Variants in GALNTL6 observed in about 807,000 individuals in gnomAD.
GALNTL6 encodes the protein polypeptide N-acetylgalactosaminyltransferase like 6.
A neutral mutation model predicts 73.7 loss-of-function variants in GALNTL6; 46 were observed. The observed-to-expected ratio is 0.62, with a 90% CI of 0.49 to 0.80. The LOEUF is 0.80. Among genes scored for constraint, GALNTL6 ranks in the 30% least tolerant of loss-of-function variants. GALNTL6 has a pLI of 0.00. For synonymous variants in GALNTL6, 259 were observed against 263.7 expected (o/e 0.98, Z 0.17); for missense variants, 604 against 755.0 (o/e 0.80, Z 2.34).
intron 5 of GALNTL6, among the ~76,000 whole-genome samples, chr4:172,661,548 G>T (rs1420816422): frequency 6.6e-6 from 1 of 152,126 alleles, no homozygotes; most frequent in Non-Finnish European, 1.5e-5. Context: ...AATAGTTACT[G>T]CTTAATTTTA....
chr4:172,805,691 CA>C (rs1392495708), intron 5 of GALNTL6, among the ~76,000 whole-genome samples: 3 of 151,906 alleles, frequency 2.0e-5, no homozygotes, highest in South Asian at 2.1e-4. Flanking sequence ...AAGTGATCTT[CA>C]AAAATGCAAT....
chr4:172,341,876 A>G (rs1489681895), intron 4 of GALNTL6, among the ~76,000 whole-genome samples: 4 of 152,220 alleles, frequency 2.6e-5, no homozygotes. Context: ...TGAATCAAGT[A>G]GAAAGGTAAA....
chr4:172,792,212 TGAA>T (rs1442363495), intron 5 of GALNTL6, among the ~76,000 whole-genome samples: 3 of 152,174 alleles, frequency 2.0e-5, no homozygotes, highest in South Asian at 4.1e-4. Flanking sequence ...CGCAAATAAA[TGAA>T]GAGTATATTT....
At chr4:172,032,723 G>T (rs927418539) in intron 2 of GALNTL6, among the ~76,000 whole-genome samples, 1 of 151,976 alleles carries the variant, frequency 6.6e-6, no homozygotes, top group African/African-American at 2.4e-5. Flanking sequence ...ACAACTTTCA[G>T]AAATGTTGCA....
intron 5 of GALNTL6, among the ~76,000 whole-genome samples, chr4:172,607,348 T>C (rs565897684): frequency 2.0e-5 from 3 of 152,294 alleles, no homozygotes; most frequent in African/African-American, 7.2e-5. Context: ...TTTGTGTTCA[T>C]GTGTACTCAA....
chr4:172,070,255 A>C (rs1410456951), intron 2 of GALNTL6, among the ~76,000 whole-genome samples: 1 of 110,822 alleles, frequency 9.0e-6, no homozygotes, highest in Non-Finnish European at 2.0e-5. Flanking sequence ...TTACTTGATT[A>C]GAAAGACATG....
Position 171,934,405 on chromosome 4 carries a change from G to A in GALNTL6, c.138+119687G>A, listed in dbSNP as rs188018845. Among the ~76,000 whole-genome samples, 14 of 152,160 alleles carry A rather than the reference G, an allele frequency of 9.2e-5. No homozygotes were observed. In the East Asian group the frequency reaches 2.5e-3, roughly 27 times the overall value. On this transcript the variant is annotated intron_variant, in intron 2 of 12. Coordinates refer to ENST00000506823, the MANE Select transcript of GALNTL6 (RefSeq NM_001034845.3). The stretch of plus-strand genomic sequence containing the variant: ...TATGTATGTATGTATATCTATCTGT[G>A]CATTTACTTATTTATTTTTGAGACA...
intron 2 of GALNTL6, among the ~76,000 whole-genome samples, chr4:171,934,221 A>G (rs1010585089): frequency 6.6e-6 from 1 of 152,218 alleles, no homozygotes; most frequent in Non-Finnish European, 1.5e-5. Context: ...CATCTGTGAC[A>G]TAAGATTTGA....
At chr4:172,324,197 T>A (rs1740862187) in intron 4 of GALNTL6, among the ~76,000 whole-genome samples, 1 of 152,128 alleles carries the variant, frequency 6.6e-6, no homozygotes, top group East Asian at 1.9e-4. Flanking sequence ...AATTAAGGAA[T>A]CCTTAAAAAT....
intron 2 of GALNTL6, among the ~76,000 whole-genome samples, chr4:171,825,765 C>T (rs1466725191): frequency 6.6e-6 from 1 of 152,148 alleles, no homozygotes; most frequent in Non-Finnish European, 1.5e-5. Flanking sequence ...CACATAGGGA[C>T]TGATTGGATC....
At chr4:172,227,061 C>G (rs1178595129) in intron 2 of GALNTL6, among the ~76,000 whole-genome samples, 1 of 152,126 alleles carries the variant, frequency 6.6e-6, no homozygotes, top group African/African-American at 2.4e-5. Context: ...CCCTGGAAAT[C>G]TTTTGCTGCC....
chr4:172,033,373 C>T (rs1326587225), intron 2 of GALNTL6, among the ~76,000 whole-genome samples: 3 of 151,734 alleles, frequency 2.0e-5, no homozygotes, highest in Non-Finnish European at 2.9e-5. Context: ...GCTATCAGGC[C>T]ATTTTTTAAA....
At chr4:172,237,896 C>A (rs1737293866) in intron 3 of GALNTL6, among the ~76,000 whole-genome samples, 2 of 151,942 alleles carry the variant, frequency 1.3e-5, no homozygotes. Context: ...CAGGTGGTTT[C>A]AGGTGTATGG....
chr4:172,606,619 G>C (rs1445554479), intron 5 of GALNTL6, among the ~76,000 whole-genome samples: 1 of 33,020 alleles, frequency 3.0e-5, no homozygotes. Flanking sequence ...TACATATATA[G>C]TATATATATA....
At chr4:172,569,950 T>C (rs946957798) in intron 5 of GALNTL6, among the ~76,000 whole-genome samples, 5 of 152,222 alleles carry the variant, frequency 3.3e-5, no homozygotes, top group Non-Finnish European at 7.3e-5. Flanking sequence ...TGCCAAGATG[T>C]GAATAATATA....
intron 5 of GALNTL6, among the ~76,000 whole-genome samples, chr4:172,433,264 A>G (rs1731521686): frequency 6.6e-6 from 1 of 152,128 alleles, no homozygotes; most frequent in African/African-American, 2.4e-5. Context: ...GTTGTTAAGC[A>G]TGAGCATTTT....
At chr4:172,013,002 T>C (rs1741069257) in intron 2 of GALNTL6, among the ~76,000 whole-genome samples, 1 of 152,044 alleles carries the variant, frequency 6.6e-6, no homozygotes, top group Non-Finnish European at 1.5e-5. Flanking sequence ...TTGGCTTCCA[T>C]TATTATAGCT....
At chr4:171,907,527 C>G (rs1236850272) in intron 2 of GALNTL6, among the ~76,000 whole-genome samples, 1 of 151,878 alleles carries the variant, frequency 6.6e-6, no homozygotes, top group East Asian at 1.9e-4. Flanking sequence ...ATTCCATGCT[C>G]ATGGGTAGGA....
chr4:172,429,362 C>G (rs1731357385), intron 5 of GALNTL6, among the ~76,000 whole-genome samples: 1 of 151,956 alleles, frequency 6.6e-6, no homozygotes, highest in South Asian at 2.1e-4. Flanking sequence ...CAGGCGTGCA[C>G]CACTACGCCT....
Sources: gnomAD v4.1 joint callset for allele counts (sites outside exome capture counted in the v4.1 genomes callset) on GRCh38, gnomAD v4.1.1 for gene constraint, MANE v1.5 for transcripts, NCBI Gene and HGNC (gene_info 2026-07-23, HGNC 2026-07-21) for gene names.